Variants in CCDC74A observed in about 807,000 individuals in gnomAD.
CCDC74A encodes the protein coiled-coil domain-containing protein 74A.
A neutral mutation model predicts 37.6 loss-of-function variants in CCDC74A; 38 were observed. The ratio of observed to expected loss-of-function variants is 1.01; its 90% CI spans 0.78 to 1.33. The LOEUF (loss-of-function observed/expected upper bound fraction) is 1.33. CCDC74A is among the 40% of genes most tolerant of loss of function. CCDC74A has a pLI of 0.00. For missense variants in CCDC74A, 340 were observed against 403.4 expected (o/e 0.84, Z 1.35); for synonymous variants, 134 against 165.2 (o/e 0.81, Z 1.45).
chr2:131,533,487 A>C lies in CCDC74A; in HGVS notation c.*89A>C. 3.9e-6 allele frequency: 6 copies of C among 1,549,446 alleles called. No homozygotes were observed. In the South Asian group the frequency reaches 6.0e-5, roughly 16 times the overall value. ...ATTTCCTGATACTTCCGCTACTTTTAGGCCTGGCTAAATTCCAAGACAGAT... is the reference window on the plus strand; with the variant it reads ...ATTTCCTGATACTTCCGCTACTTTTCGGCCTGGCTAAATTCCAAGACAGAT... On this transcript the variant is annotated 3_prime_UTR_variant, in exon 8 of 8. Coordinates refer to ENST00000409856, the MANE Select transcript of CCDC74A (RefSeq NM_001258306.3).
chr2:131,529,808 A>G (rs1573532999), intron 2 of CCDC74A, 117 bp downstream of exon 2: 1 of 1,548,806 alleles, frequency 6.5e-7, no homozygotes, highest in Non-Finnish European at 8.7e-7. Flanking sequence ...CAGTGGGTAC[A>G]GGTTCTGGGG....
chr2:131,530,894 C>T (rs1326596741), intron 3 of CCDC74A, 67 bp downstream of exon 3: 1 of 1,587,358 alleles, frequency 6.3e-7, no homozygotes, highest in Non-Finnish European at 8.6e-7. Context: ...CCTGGGTGGC[C>T]TCTAGGGGTG....
rs777987967 is a variant in CCDC74A at position 131,532,704 on chromosome 2, C to A, written c.601C>A (p.Arg201=). ...CCCAATGATCCTGCCCCTTCCCCTG[C>A]GAAAGCCCACCACACTTAGGCAGTG... ...HPPMILPLPL[R]KPTTLRQCEV... is the part of the protein sequence containing the mutation. The change falls in exon 5 of 8, where the codon CGA becomes AGA. Residue 201 remains arginine (R), a synonymous_variant. Transcript: ENST00000409856. The A allele has an allele frequency of 8.1e-6, 13 of 1,613,466 alleles. No individual in the cohort carries two copies. Among genetic ancestry groups the A allele is most frequent in the South Asian group, 7.7e-5 (7 of 91,072 alleles).
upstream of CCDC74A, among the ~76,000 whole-genome samples, chr2:131,526,395 A>G (rs1049532642): frequency 6.6e-6 from 1 of 151,932 alleles, no homozygotes. Flanking sequence ...GATCTGCCCA[A>G]CTTGGCCTCC....
At chr2:131,525,711 CT>C (rs58721770), upstream of CCDC74A, among the ~76,000 whole-genome samples, 7,824 of 63,524 alleles carry the variant, frequency 0.12, 131 homozygotes, top group East Asian at 0.31. Context: ...CTATGCCTGC[CT>C]TTTTTTTTTT....
upstream of CCDC74A, among the ~76,000 whole-genome samples, chr2:131,526,169 T>TG (rs1233813638): frequency 4.8e-5 from 7 of 145,616 alleles, no homozygotes; most frequent in Non-Finnish European, 9.0e-5. Context: ...TTTTCTGAGA[T>TG]GGAGTCTTAC....
chr2:131,529,922 G>A (rs1680934124), intron 2 of CCDC74A: 2 of 1,499,698 alleles, frequency 1.3e-6, no homozygotes, highest in Middle Eastern at 1.7e-4. Flanking sequence ...GGTCATTGCA[G>A]TGGGGAGGTG....
chr2:131,524,249 AT>A (rs1320218695), upstream of CCDC74A, among the ~76,000 whole-genome samples: 5 of 152,090 alleles, frequency 3.3e-5, no homozygotes, highest in Admixed American at 3.3e-4. Flanking sequence ...ACACTGGGTT[AT>A]TGTGTTTATT....
upstream of CCDC74A, among the ~76,000 whole-genome samples, chr2:131,526,689 C>T (rs902380250): frequency 1.2e-4 from 18 of 152,092 alleles, no homozygotes; most frequent in Admixed American, 2.6e-4. Flanking sequence ...GAGGGCTGGT[C>T]GTGCTCAACC....
intron 2 of CCDC74A, chr2:131,530,078 C>G: frequency 1.3e-6 from 2 of 1,550,420 alleles, no homozygotes; most frequent in South Asian, 1.2e-5. Context: ...GCTCTGAGTC[C>G]TCACATGCTG....
chr2:131,532,089 G>C (rs546677660), intron 4 of CCDC74A, among the ~76,000 whole-genome samples: 8 of 150,960 alleles, frequency 5.3e-5, no homozygotes, highest in African/African-American at 1.9e-4. Flanking sequence ...CTTCCTCAGA[G>C]AAAAGTAAAG....
At chr2:131,530,914 C>A in intron 3 of CCDC74A, 87 bp downstream of exon 3, 1 of 1,557,588 alleles carries the variant, frequency 6.4e-7, no homozygotes, top group Non-Finnish European at 8.7e-7. Context: ...GCTGACCAGG[C>A]GCCCTCTGCT....
intron 1 of CCDC74A, chr2:131,528,673 T>C (rs1680636197): frequency 2.2e-6 from 1 of 460,076 alleles, no homozygotes; most frequent in African/African-American, 2.0e-5. Context: ...TAGCTAGGCG[T>C]GGTGGTGGGC....
intron 1 of CCDC74A, chr2:131,529,408 T>C: frequency 1.5e-6 from 1 of 670,472 alleles, no homozygotes; most frequent in Non-Finnish European, 2.7e-6. Flanking sequence ...TCCAGTCATC[T>C]CAGATGGATG....
chr2:131,527,406 C>T (rs1310463013), upstream of CCDC74A, among the ~76,000 whole-genome samples: 3 of 152,202 alleles, frequency 2.0e-5, no homozygotes, highest in African/African-American at 4.8e-5. Context: ...GTTGGGACTA[C>T]AGGCGCAAGA....
chr2:131,527,700 G>A (rs909075885), upstream of CCDC74A: 5 of 461,734 alleles, frequency 1.1e-5, no homozygotes, highest in Non-Finnish European at 1.8e-5. Flanking sequence ...TCGCCATGTT[G>A]GTCAGGCTGG....
chr2:131,532,913 C>T lies in CCDC74A; in HGVS notation c.728C>T (p.Ala243Val), dbSNP rs573381369. ...LLEGSQRPQA[A>V]PEEASFPRDQ... ...GAAGGGAGCCAGAGGCCCCAGGCAG[C>T]CCCGGAGGAAGCTAGCTTTCCCAGG... Residue 243 changes from alanine (A) to valine (V), a missense_variant, in exon 6 of 8, where the codon GCC (alanine) becomes GTC (valine). Physicochemically the swap from Ala to Val is moderately conservative, Grantham distance 64. This residue lies in a region of CCDC74A where 185 missense variants were observed against 231.5 expected (regional missense o/e 0.80). Transcript: ENST00000409856. 5.6e-4 allele frequency: 905 copies of T among 1,612,836 alleles called. 3 individuals are homozygous for T. Among genetic ancestry groups the T allele is most frequent in the South Asian group, 4.9e-3 (442 of 90,774 alleles).
intron 2 of CCDC74A, chr2:131,530,175 A>G (rs1375469341): frequency 6.5e-7 from 1 of 1,549,200 alleles, no homozygotes; most frequent in African/African-American, 1.4e-5. Flanking sequence ...GAGGAAGCAG[A>G]GTCCTGTTTC....
Position 131,528,537 on chromosome 2 carries a change from G to A in CCDC74A, c.250+317G>A, listed in dbSNP as rs1228340034. The A allele has an allele frequency of 7.9e-6, 9 of 1,140,026 alleles. No homozygotes were observed. In the South Asian group the frequency reaches 1.2e-4, roughly 15 times the overall value. 70.6% of individuals were successfully genotyped at this position (1,140,026 alleles called of 1,614,324 possible). A position where few individuals can be genotyped will look rare whatever the true frequency, so the allele number is the denominator to read the frequency against. On this transcript the variant is annotated intron_variant, in intron 1 of 7. Transcript: ENST00000409856. ...AAAAACTTTATAGAGGGGCCCGGGC[G>A]CGGCGGCTCACGCCTGTAATTCCAG...
Sources: gnomAD v4.1 joint callset for allele counts (sites outside exome capture counted in the v4.1 genomes callset) on GRCh38, gnomAD v4.1.1 for gene constraint, gnomAD v4.1.1 regional missense constraint, MANE v1.5 for transcripts, NCBI Gene and HGNC (gene_info 2026-07-23, HGNC 2026-07-21) for gene names.